Variants in KIAA0753 observed in about 807,000 individuals in gnomAD.
The protein encoded by KIAA0753 is KIAA0753.
A neutral mutation model predicts 116.9 loss-of-function variants in KIAA0753; 114 were observed. That is an observed-to-expected ratio of 0.98 (90% CI 0.84 to 1.14). The LOEUF is 1.14. Among genes scored for constraint, KIAA0753 ranks in the 50% most tolerant of loss-of-function variants. The pLI is 0.00. For synonymous variants in KIAA0753, 405 were observed against 413.1 expected (o/e 0.98, Z 0.24); for missense variants, 1,156 against 1,172.4 (o/e 0.99, Z 0.20).
chr17:6,580,407 C>T (rs545385256), intron 18 of KIAA0753, among the ~76,000 whole-genome samples: 8 of 151,328 alleles, frequency 5.3e-5, no homozygotes, highest in African/African-American at 1.5e-4. Context: ...CTCCGCCTCC[C>T]GGGTTCACAC....
At chr17:6,580,172 T>A (rs1968040440) in intron 18 of KIAA0753, among the ~76,000 whole-genome samples, 1 of 150,294 alleles carries the variant, frequency 6.7e-6, no homozygotes, top group Admixed American at 6.7e-5. Context: ...GGCAACAGAG[T>A]GAGATTCCGT....
chr17:6,589,881 A>G lies in KIAA0753; in HGVS notation c.2684T>C (p.Met895Thr). ...ACAGTAGTCACCGATGCTGTGCTGC[A>G]TACCCGGTGGGACAAAGAGGGGAGC... Reference protein sequence around the residue: ...GRAPLFVPPGMQHSIGDYCSR... With the variant: ...GRAPLFVPPGTQHSIGDYCSR... The change falls in exon 18 of 19, where the codon ATG (methionine) becomes ACG (threonine). Residue 895 changes from methionine (M) to threonine (T), a missense_variant. Physicochemically the swap from Met to Thr is moderately conservative, Grantham distance 81 (BLOSUM62 -1). Transcript: ENST00000361413. The G allele has an allele frequency of 6.2e-7, 1 of 1,614,036 alleles. No homozygotes were observed. Among genetic ancestry groups the G allele is most frequent in the Non-Finnish European group, 8.5e-7 (1 of 1,179,946 alleles).
chr17:6,581,788 C>T (rs923802663), intron 18 of KIAA0753, among the ~76,000 whole-genome samples: 6 of 152,188 alleles, frequency 3.9e-5, no homozygotes, highest in African/African-American at 7.2e-5. Context: ...GGATTTGGCC[C>T]GTAGGTGCCT....
Position 6,610,203 on chromosome 17 carries a change from A to G in KIAA0753, c.1546-43T>C, listed in dbSNP as rs746145843. On this transcript the variant is annotated intron_variant, in intron 8 of 18. Coordinates refer to ENST00000361413, the MANE Select transcript of KIAA0753 (RefSeq NM_014804.3). ...GAATTATAAGGCCACACAAATACCA[A>G]AGAAACTATGGTTTAACCTCTGACT... 4 of 1,595,812 alleles carry G rather than the reference A, an allele frequency of 2.5e-6. No individual in the cohort carries two copies. The East Asian group carries it at 8.9e-5, about 36-fold the overall frequency.
chr17:6,612,481 T>C (rs530402663), intron 7 of KIAA0753, among the ~76,000 whole-genome samples: 9 of 152,376 alleles, frequency 5.9e-5, no homozygotes, highest in Non-Finnish European at 1.5e-5. Context: ...CAGTATCCTG[T>C]GACTGGAATA....
At position 6,590,406 on chromosome 17, in the gene KIAA0753, AG is replaced by A; in HGVS notation, c.2561+103del. On this transcript the variant is annotated intron_variant, in intron 17 of 18. Coordinates refer to ENST00000361413, the MANE Select transcript of KIAA0753 (RefSeq NM_014804.3). The stretch of plus-strand genomic sequence containing the variant: ...TGGAGTTTGGCAAGATCTTGCTCAA[AG>A]GAAGAATTTCTGTCTGTCTTATGGG... The A allele has an allele frequency of 4.3e-6, 6 of 1,391,910 alleles. No individual in the cohort carries two copies. In the South Asian group the frequency reaches 6.5e-5, roughly 15 times the overall value. The allele number at this position is 1,391,910 out of a possible 1,614,324, so 86.2% of individuals were successfully genotyped here.
At chr17:6,591,486 A>G (rs190172255) in intron 16 of KIAA0753, among the ~76,000 whole-genome samples, 1 of 152,232 alleles carries the variant, frequency 6.6e-6, no homozygotes, top group Non-Finnish European at 1.5e-5. Flanking sequence ...ATCACTTTAA[A>G]TTGGGTTTTG....
chr17:6,634,575 ATCT>A (rs1188468774), intron 2 of KIAA0753, among the ~76,000 whole-genome samples: 1 of 152,218 alleles, frequency 6.6e-6, no homozygotes, highest in Non-Finnish European at 1.5e-5. Flanking sequence ...ATATAATGGA[ATCT>A]AGGTGAGGTG....
intron 5 of KIAA0753, 138 bp downstream of exon 5, chr17:6,623,371 A>C: frequency 1.4e-6 from 1 of 714,798 alleles, no homozygotes; most frequent in Non-Finnish European, 2.3e-6. Flanking sequence ...AGAATATGTA[A>C]GGTGCTCACT....
In KIAA0753 at chr17:6,624,974, A is replaced by G. The variant is rs1375300988; in HGVS notation, c.719-113T>C. On this transcript the variant is annotated intron_variant, in intron 3 of 18. Transcript: ENST00000361413. ...AAGTTGAAGATCTCTGGTTTTATTA[A>G]GAAAAAAATGAGGCTATCATAACAG... 6 of 736,604 alleles carry G rather than the reference A, an allele frequency of 8.1e-6. No homozygotes were observed. The South Asian group carries it at 1.1e-4, about 13-fold the overall frequency. The allele number at this position is 736,604 out of a possible 1,614,324, so 45.6% of individuals were successfully genotyped here. A position where few individuals can be genotyped will look rare whatever the true frequency, so the allele number is the denominator to read the frequency against.
chr17:6,623,717 C>T (rs1971476971), intron 4 of KIAA0753, 146 bp from the exon 5 acceptor site: 1 of 1,176,310 alleles, frequency 8.5e-7, no homozygotes, highest in Non-Finnish European at 1.1e-6. Flanking sequence ...GCTCTTCATT[C>T]ATGCACCCAA....
chr17:6,633,306 T>C (rs1368168818), intron 2 of KIAA0753, among the ~76,000 whole-genome samples: 1 of 152,208 alleles, frequency 6.6e-6, no homozygotes, highest in East Asian at 1.9e-4. Flanking sequence ...TGAAATTATG[T>C]CAAAAAATTT....
intron 7 of KIAA0753, among the ~76,000 whole-genome samples, chr17:6,618,613 T>C (rs999769599): frequency 8.5e-5 from 13 of 152,182 alleles, no homozygotes; most frequent in Admixed American, 2.0e-4. Context: ...AGGTGAAGTA[T>C]TGAGAGTCTT....
intron 8 of KIAA0753, among the ~76,000 whole-genome samples, chr17:6,611,141 G>A (rs530618315): frequency 6.6e-5 from 10 of 152,178 alleles, no homozygotes; most frequent in African/African-American, 2.2e-4. Context: ...CCACTGATAG[G>A]GCCATAAGTA....
At chr17:6,590,780 C>A in intron 16 of KIAA0753, 150 bp from the exon 17 acceptor site, 3 of 664,852 alleles carry the variant, frequency 4.5e-6, no homozygotes, top group Non-Finnish European at 7.6e-6. Flanking sequence ...GGAAAATGCT[C>A]ATTTTAAATG....
intron 2 of KIAA0753, among the ~76,000 whole-genome samples, chr17:6,629,906 G>A (rs1971916900): frequency 1.3e-5 from 2 of 152,180 alleles, no homozygotes; most frequent in South Asian, 4.1e-4. Context: ...GTCATTTGAG[G>A]TCAGGAGTTT....
At chr17:6,616,025 GA>G (rs5819121) in intron 7 of KIAA0753, among the ~76,000 whole-genome samples, 11,719 of 152,162 alleles carry the variant, frequency 0.077, 529 homozygotes, top group Non-Finnish European at 0.11. Flanking sequence ...GAGACCTTAG[GA>G]AATCAGAATG....
intron 12 of KIAA0753, among the ~76,000 whole-genome samples, chr17:6,603,128 A>C (rs977436003): frequency 2.6e-5 from 4 of 152,134 alleles, no homozygotes; most frequent in African/African-American, 9.7e-5. Flanking sequence ...GAAATCTCCT[A>C]CTGGGGGAGG....
At chr17:6,625,001 A>G (rs1971573495) in intron 3 of KIAA0753, 140 bp from the exon 4 acceptor site, 4 of 621,194 alleles carry the variant, frequency 6.4e-6, no homozygotes, top group Non-Finnish European at 8.3e-6. Context: ...TCATAACAGA[A>G]AATTTCATTT....
Sources: gnomAD v4.1 joint callset for allele counts (sites outside exome capture counted in the v4.1 genomes callset) on GRCh38, gnomAD v4.1.1 for gene constraint, MANE v1.5 for transcripts, NCBI Gene and HGNC (gene_info 2026-07-23, HGNC 2026-07-21) for gene names.